Variants in MAML2 observed in about 807,000 individuals in gnomAD.
MAML2 encodes the protein mastermind-like protein 2.
Under a neutral mutation model 96.1 loss-of-function variants are expected in MAML2, and 22 were observed. The observed-to-expected ratio is 0.23, with a 90% CI of 0.16 to 0.33. The LOEUF is 0.33. Ranked by LOEUF, MAML2 falls within the 10% of genes least tolerant of loss-of-function variation. The pLI is 1.00. For missense variants in MAML2, 1,367 were observed against 1,392.4 expected (o/e 0.98, Z 0.29); for synonymous variants, 561 against 521.3 (o/e 1.08, Z -1.04).
At chr11:96,101,244 A>G (rs1160692634) in intron 1 of MAML2, among the ~76,000 whole-genome samples, 1 of 152,144 alleles carries the variant, frequency 6.6e-6, no homozygotes, top group African/African-American at 2.4e-5. Context: ...TGGCTTGTGG[A>G]AGAGTAACTC....
intron 2 of MAML2, among the ~76,000 whole-genome samples, chr11:96,065,331 G>A (rs2067641604): frequency 6.6e-6 from 1 of 152,036 alleles, no homozygotes; most frequent in South Asian, 2.1e-4. Flanking sequence ...CAAAGTATGT[G>A]ATTTTAAAAA....
intron 1 of MAML2, among the ~76,000 whole-genome samples, chr11:96,337,332 G>A (rs1863933906): frequency 6.6e-6 from 1 of 152,172 alleles, no homozygotes; most frequent in African/African-American, 2.4e-5. Flanking sequence ...TTGTCAATTG[G>A]AAACTTGATT....
In MAML2 at chr11:96,003,014, A is replaced by G. The variant is rs534154997; in HGVS notation, c.2140-11291T>C. Among the ~76,000 whole-genome samples the G allele has an allele frequency of 5.4e-5, 8 of 148,012 alleles. No homozygotes were observed. In the South Asian group the frequency reaches 1.6e-3, roughly 29 times the overall value. ...GATGATGAGGATGATGATGGGGATG[A>G]TGAAGATGATGATGGGGATGAGGAG... On this transcript the variant is annotated intron_variant, in intron 2 of 4. Transcript: ENST00000524717.
chr11:96,156,148 A>G (rs1466764024), intron 1 of MAML2, among the ~76,000 whole-genome samples: 4 of 152,014 alleles, frequency 2.6e-5, no homozygotes, highest in Non-Finnish European at 5.9e-5. Context: ...ATCTGTCCAC[A>G]TGGTCAGACT....
At chr11:96,014,562 C>T (rs1350473432) in intron 2 of MAML2, among the ~76,000 whole-genome samples, 1 of 152,200 alleles carries the variant, frequency 6.6e-6, no homozygotes, top group African/African-American at 2.4e-5. Flanking sequence ...TACAAACCAA[C>T]CAATTGATTA....
intron 1 of MAML2, among the ~76,000 whole-genome samples, chr11:96,324,246 T>C (rs1431332986): frequency 6.6e-6 from 1 of 152,240 alleles, no homozygotes; most frequent in Non-Finnish European, 1.5e-5. Flanking sequence ...GGCATCTTCC[T>C]TCACCTAATT....
chr11:96,341,783 T>C lies in MAML2; in HGVS notation c.113A>G (p.Glu38Gly). The change falls in exon 1 of 5, where the codon GAG becomes GGG. Residue 38 changes from glutamate to glycine, a missense_variant. By Grantham distance (98) the Glu-to-Gly change is moderately conservative. Transcript: ENST00000524717. ...GACAGCGATCCGAGCCCGGAGGCGC[T>C]CCACGATAGCACTGTGCACTCTCGG... The part of the protein sequence containing the change: ...VTPRVHSAIV[E>G]RLRARIAVCR... 1 of 1,610,524 alleles carries C rather than the reference T, an allele frequency of 6.2e-7. No individual in the cohort carries two copies. The highest frequency in any genetic ancestry group is 1.7e-5 in the Admixed American group (1 of 59,830).
chr11:96,011,583 G>T (rs1858267491), intron 2 of MAML2, among the ~76,000 whole-genome samples: 1 of 152,114 alleles, frequency 6.6e-6, no homozygotes, highest in Admixed American at 6.5e-5. Flanking sequence ...GAGGGTGGGA[G>T]AGAGGCTGGG....
intron 1 of MAML2, among the ~76,000 whole-genome samples, chr11:96,159,507 C>T (rs1200668315): frequency 2.5e-5 from 1 of 40,096 alleles, no homozygotes; most frequent in Non-Finnish European, 7.3e-5. Flanking sequence ...TCACTGCGAG[C>T]TCCGGCCTCC....
chr11:96,095,506 T>C (rs1378067022), intron 1 of MAML2, among the ~76,000 whole-genome samples: 2 of 152,186 alleles, frequency 1.3e-5, no homozygotes, highest in African/African-American at 2.4e-5. Flanking sequence ...ATTTTGGATT[T>C]GGAGAAAGTG....
At chr11:96,151,386 T>A (rs1860918673) in intron 1 of MAML2, among the ~76,000 whole-genome samples, 2 of 152,234 alleles carry the variant, frequency 1.3e-5, no homozygotes, top group Admixed American at 1.3e-4. Flanking sequence ...CAGTTATGAG[T>A]TATATTTCTT....
intron 2 of MAML2, among the ~76,000 whole-genome samples, chr11:96,009,175 C>T (rs1858230777): frequency 6.6e-6 from 1 of 152,162 alleles, no homozygotes; most frequent in Non-Finnish European, 1.5e-5. Flanking sequence ...AATTCAGTTC[C>T]TTTAATCACT....
At chr11:96,220,198 G>A (rs1239456010) in intron 1 of MAML2, among the ~76,000 whole-genome samples, 1 of 152,148 alleles carries the variant, frequency 6.6e-6, no homozygotes, top group Non-Finnish European at 1.5e-5. Flanking sequence ...TAGAGAAGGG[G>A]GTGGGGGAAC....
intron 2 of MAML2, among the ~76,000 whole-genome samples, chr11:96,081,934 T>C (rs1358309639): frequency 6.6e-6 from 1 of 152,242 alleles, no homozygotes; most frequent in African/African-American, 2.4e-5. Context: ...AAAATTCATA[T>C]AAAATTATTC....
Position 95,993,008 on chromosome 11 carries a change from A to C in MAML2, c.2140-1285T>G, listed in dbSNP as rs996593448. Among the ~76,000 whole-genome samples the C allele has an allele frequency of 3.3e-5, 5 of 152,078 alleles. No individual in the cohort carries two copies. In the South Asian group the frequency reaches 6.2e-4, roughly 19 times the overall value. ...CAGTCCTCCCACTTCAGCCTCCTAA[A>C]GTGCCTGGGACCACAGGCGTGCGCC... On this transcript the variant is annotated intron_variant, in intron 2 of 4. Coordinates refer to ENST00000524717, the MANE Select transcript of MAML2 (RefSeq NM_032427.4).
chr11:96,124,073 G>T (rs549859747), intron 1 of MAML2, among the ~76,000 whole-genome samples: 1 of 120,594 alleles, frequency 8.3e-6, no homozygotes, highest in Non-Finnish European at 1.6e-5. Context: ...AACCAGCAAC[G>T]AGCAACGAGC....
At chr11:96,036,085 A>G (rs1244486220) in intron 2 of MAML2, among the ~76,000 whole-genome samples, 2 of 152,370 alleles carry the variant, frequency 1.3e-5, no homozygotes, top group South Asian at 4.1e-4. Flanking sequence ...CCACAGTATT[A>G]TGTTCAATTA....
intron 2 of MAML2, among the ~76,000 whole-genome samples, chr11:96,061,669 T>C (rs897385436): frequency 1.3e-5 from 2 of 152,182 alleles, no homozygotes; most frequent in African/African-American, 2.4e-5. Flanking sequence ...TCCTCCTAGA[T>C]AAAAGGCATA....
chr11:96,068,717 C>G (rs984088911), intron 2 of MAML2, among the ~76,000 whole-genome samples: 3 of 151,672 alleles, frequency 2.0e-5, no homozygotes, highest in African/African-American at 7.3e-5. Context: ...GTAGTCCCAG[C>G]TACTCAGGAG....
Sources: allele counts gnomAD v4.1 joint callset (sites outside exome capture counted in the v4.1 genomes callset), GRCh38; gene constraint gnomAD v4.1.1; transcripts MANE v1.5; gene names NCBI Gene and HGNC (gene_info 2026-07-23, HGNC 2026-07-21).